The following MCF2L variants were observed in gnomAD, a reference collection of about 807,000 sequenced individuals.
MCF2L encodes the protein guanine nucleotide exchange factor DBS.
Under a neutral mutation model 153.4 loss-of-function variants are expected in MCF2L, and 97 were observed. That is an observed-to-expected ratio of 0.63 (90% CI 0.54 to 0.75). The LOEUF (loss-of-function observed/expected upper bound fraction) is 0.75, where lower values mean the gene tolerates loss of function less well. Ranked by LOEUF, MCF2L falls within the 30% of genes least tolerant of loss-of-function variation. MCF2L has a pLI of 0.00. For synonymous variants in MCF2L, 659 were observed against 632.2 expected (o/e 1.04, Z -0.64); for missense variants, 1,347 against 1,495.2 (o/e 0.90, Z 1.64).
rs551626036 is a variant in MCF2L at position 113,037,369 on chromosome 13, C to A, written c.279-7902C>A. On this transcript the variant is annotated intron_variant, in intron 3 of 29. Transcript: ENST00000535094. ...AATTGTAACCAAAGATGAAACCACC[C>A]CTGCCCAGCGGCACCATTTGTAGGG... Among the ~76,000 whole-genome samples the A allele has an allele frequency of 1.5e-3, 233 of 152,180 alleles. 1 individual carries two copies. The highest frequency in any genetic ancestry group is 5.9e-4 in the Non-Finnish European group (40 of 68,036).
intron 9 of MCF2L, among the ~76,000 whole-genome samples, chr13:113,071,052 C>T (rs572508773): frequency 7.2e-5 from 11 of 152,054 alleles, no homozygotes; most frequent in Non-Finnish European, 7.4e-5. Flanking sequence ...TTCCCCAGCA[C>T]GTGGTGGGGT....
upstream of MCF2L, among the ~76,000 whole-genome samples, chr13:112,966,392 C>G (rs2081893548): frequency 6.6e-6 from 1 of 152,166 alleles, no homozygotes; most frequent in Admixed American, 6.5e-5. The surrounding 1 kb of genome is among the most constrained non-coding windows in gnomAD (Gnocchi z 4.1). Context: ...CCTCAGGGAA[C>G]CTCTGTCTTT....
rs373881828 is a variant in MCF2L, at chr13:113,027,980, G to A, written c.278+3222G>A. ...AGGGCCTGTGTCCCAGGGGACGGCC[G>A]GCCTGACAGGTACATCCGCCCCCTG... On this transcript the variant is annotated intron_variant, in intron 3 of 29. Transcript: ENST00000535094. The surrounding 1 kb of genome is among the most constrained non-coding windows in gnomAD (Gnocchi z 4.8). Among the ~76,000 whole-genome samples the A allele has an allele frequency of 6.6e-6, 1 of 152,050 alleles. No individual in the cohort carries two copies. Among genetic ancestry groups the A allele is most frequent in the Admixed American group, 6.5e-5 (1 of 15,284 alleles).
In MCF2L at chr13:113,064,942, G is replaced by C. The variant is rs1003563436; in HGVS notation, c.613G>C (p.Glu205Gln). 6.2e-7 allele frequency: 1 copy of C among 1,612,248 alleles called. No homozygotes were observed. The highest frequency in any genetic ancestry group is 8.5e-7 in the Non-Finnish European group (1 of 1,179,458). ...TGTTTTCTCTGTCCCCAAGGCCATC[G>C]AAAGTTTCGCCCTCATGGTGAAGCA... ...SRWLCQRTAI[E>Q]SFALMVKQTA... The change falls in exon 7 of 30, where the codon GAA (glutamate) becomes CAA (glutamine). Residue 205 changes from glutamate to glutamine, a missense_variant. Physicochemically the swap from Glu to Gln is conservative, Grantham distance 29 (BLOSUM62 2). This residue lies in a region of MCF2L where 820 missense variants were observed against 921.2 expected (regional missense o/e 0.89). Transcript: ENST00000535094. The surrounding 1 kb of genome is among the most constrained non-coding windows in gnomAD (Gnocchi z 6.0).
chr13:113,025,063 T>A (rs377439969), intron 3 of MCF2L, among the ~76,000 whole-genome samples: 33 of 83,440 alleles, frequency 4.0e-4, no homozygotes, highest in East Asian at 2.0e-3. Flanking sequence ...TGACTGTGGG[T>A]CGGGGCAGAG....
At chr13:113,093,976 G>A (rs2035435971) in intron 26 of MCF2L, 1 of 152,346 alleles carries the variant, frequency 6.6e-6, no homozygotes, top group Non-Finnish European at 1.5e-5. Flanking sequence ...CACCTGCATG[G>A]TCTCAGCCTT....
At chr13:113,066,822 A>C (rs1287584697) in intron 8 of MCF2L, among the ~76,000 whole-genome samples, 1 of 152,062 alleles carries the variant, frequency 6.6e-6, no homozygotes, top group Non-Finnish European at 1.5e-5. Context: ...GGGCCCGCAC[A>C]GCTGGACAGC....
rs568230718 is a variant in MCF2L, at chr13:112,919,494, C to T, written c.169+17123C>T. 4.4e-4 allele frequency among the ~76,000 whole-genome samples: 67 copies of T among 152,146 alleles called. No individual in the cohort carries two copies. The Middle Eastern group carries it at 0.01, about 23-fold the overall frequency. ...TGCTGGGATTACAGGCGTGAGCCAC[C>T]GCGCCCGGCCAGAATTTGCAATTTT... is the stretch of plus-strand genomic sequence containing the variant. On this transcript the variant is annotated intron_variant, in intron 2 of 29. Transcript: ENST00000375608.
intron 7 of MCF2L, among the ~76,000 whole-genome samples, 159 bp from the exon 8 acceptor site, chr13:113,065,887 G>A (rs2032282894): frequency 1.3e-5 from 2 of 152,202 alleles, no homozygotes; most frequent in Admixed American, 6.5e-5. Flanking sequence ...CCGCCTGCCC[G>A]CACGACCCCA....
intron 8 of MCF2L, among the ~76,000 whole-genome samples, chr13:113,067,030 G>A (rs1328972418): frequency 6.6e-6 from 1 of 152,248 alleles, no homozygotes; most frequent in African/African-American, 2.4e-5. Context: ...CGTGACCCAC[G>A]AGGCAGAGGC....
rs1376479680 is a variant in MCF2L at position 113,031,270 on chromosome 13, CAG to C, written c.278+6516_278+6517del. On this transcript the variant is annotated intron_variant, in intron 3 of 29. Coordinates refer to ENST00000535094, the MANE Select transcript of MCF2L (RefSeq NM_001112732.3). The surrounding 1 kb of genome is among the most constrained non-coding windows in gnomAD (Gnocchi z 5.5). The stretch of plus-strand genomic sequence containing the variant: ...AGTGACAGAGATAGAGACAGACAGA[CAG>C]AGACACGGAGACACAGAGATAAAGA... Among the ~76,000 whole-genome samples the C allele has an allele frequency of 2.0e-5, 3 of 151,952 alleles. No homozygotes were observed. Among genetic ancestry groups the C allele is most frequent in the African/African-American group, 7.3e-5 (3 of 41,322 alleles).
In MCF2L at chr13:112,898,587, G is replaced by A. The variant is rs568769872; in HGVS notation, c.-4-3612G>A. 9.2e-5 allele frequency among the ~76,000 whole-genome samples: 14 copies of A among 152,086 alleles called. No individual in the cohort carries two copies. The East Asian group carries it at 1.7e-3, about 19-fold the overall frequency. ...CAGGCCCTGCTCCTCCTGCCCCAGC[G>A]CCCTTCCCTCCCCGGTGGTACTCCC... On this transcript the variant is annotated intron_variant, in intron 1 of 29. Coordinates refer to the MCF2L transcript ENST00000375608.
intron 2 of MCF2L, among the ~76,000 whole-genome samples, chr13:112,925,540 G>A (rs1056758325): frequency 2.0e-5 from 3 of 152,178 alleles, no homozygotes; most frequent in African/African-American, 2.4e-5. Context: ...AAAGCTACAC[G>A]AGAAGAAATA....
chr13:112,977,231 G>C (rs999269986), intron 1 of MCF2L, among the ~76,000 whole-genome samples: 1 of 152,180 alleles, frequency 6.6e-6, no homozygotes, highest in Non-Finnish European at 1.5e-5. Flanking sequence ...GGGCCACATT[G>C]TATAAAATAG....
At chr13:113,080,779 CT>C (rs1778740146) in intron 15 of MCF2L, among the ~76,000 whole-genome samples, 1 of 152,360 alleles carries the variant, frequency 6.6e-6, no homozygotes, top group South Asian at 2.1e-4. Flanking sequence ...ACGAGGAAGG[CT>C]CAGGGAGGCC....
At chr13:113,013,985 A>AGCTGGTGCTGGCCTAGTGCTCCCG (rs1566736674) in intron 1 of MCF2L, among the ~76,000 whole-genome samples, 1 of 145,632 alleles carries the variant, frequency 6.9e-6, no homozygotes, top group African/African-American at 2.7e-5. Context: ...TAGTGCTCCC[A>AGCTGGTGCTGGCCTAGTGCTCCCG]GCTGGTGCTG....
chr13:112,921,370 A>G (rs2081351617), intron 2 of MCF2L, among the ~76,000 whole-genome samples: 1 of 152,320 alleles, frequency 6.6e-6, no homozygotes, highest in Admixed American at 6.5e-5. Context: ...CTCCATTGAT[A>G]AAGTCTGAGA....
At chr13:113,069,990 AC>A in intron 8 of MCF2L, 68 bp from the exon 9 acceptor site, 1 of 1,072,260 alleles carries the variant, frequency 9.3e-7, no homozygotes. Context: ...TCGCTTGAAC[AC>A]CCACCGCGCT....
At chr13:113,023,628 A>G (rs2085044988) in intron 2 of MCF2L, among the ~76,000 whole-genome samples, 1 of 152,076 alleles carries the variant, frequency 6.6e-6, no homozygotes, top group African/African-American at 2.4e-5. Context: ...ATAAAAAGCT[A>G]CCCTAAACTT....
Sources: allele counts gnomAD v4.1 joint callset (sites outside exome capture counted in the v4.1 genomes callset), GRCh38; gene constraint gnomAD v4.1.1; regional missense constraint gnomAD v4.1.1; non-coding constraint Gnocchi (gnomAD v3.1); transcripts MANE v1.5; gene names NCBI Gene and HGNC (gene_info 2026-07-23, HGNC 2026-07-21).